The following CSK variants were observed in gnomAD, a reference collection of about 807,000 sequenced individuals.
CSK encodes the protein tyrosine-protein kinase CSK.
In CSK, 7 loss-of-function variants were observed where a neutral mutation model predicts 62.3. The ratio of observed to expected loss-of-function variants is 0.11; its 90% CI spans 0.06 to 0.21. The LOEUF is 0.21. CSK is among the 10% of genes least tolerant of loss of function. CSK has a pLI of 1.00. For synonymous variants in CSK, 237 were observed against 246.0 expected (o/e 0.96, Z 0.34); for missense variants, 294 against 613.5 (o/e 0.48, Z 5.50).
At chr15:74,788,962 G>C (rs1020894295) in intron 1 of CSK, among the ~76,000 whole-genome samples, 2 of 152,204 alleles carry the variant, frequency 1.3e-5, no homozygotes, top group Non-Finnish European at 2.9e-5. Flanking sequence ...AGGTAATTAG[G>C]CTCCTGAGCG....
At chr15:74,783,160 A>C (rs1264234360) in intron 1 of CSK, among the ~76,000 whole-genome samples, 1 of 145,660 alleles carries the variant, frequency 6.9e-6, no homozygotes, top group East Asian at 1.9e-4. Context: ...TGCGGGCTGC[A>C]AGCAAGCCCA....
At chr15:74,786,836 C>T (rs1489760971) in intron 1 of CSK, among the ~76,000 whole-genome samples, 1 of 152,200 alleles carries the variant, frequency 6.6e-6, no homozygotes, top group African/African-American at 2.4e-5. Flanking sequence ...GGTCCTCCCC[C>T]AGGTGGCCCA....
At position 74,802,716 on chromosome 15, in the gene CSK, G is replaced by A; in HGVS notation, c.*203G>A. ...CCTGGGGAGCCCACTGAGGGGCCAG[G>A]GAGGAAGGAGGCCACGGAGCGGGAG... is the stretch of plus-strand genomic sequence containing the variant. On this transcript the variant is annotated 3_prime_UTR_variant, in exon 13 of 13. Transcript: ENST00000220003. The A allele has an allele frequency of 3.4e-6, 2 of 587,324 alleles. No homozygotes were observed. Among genetic ancestry groups the A allele is most frequent in the South Asian group, 2.7e-5 (1 of 37,318 alleles). 36.4% of individuals were successfully genotyped at this position (587,324 alleles called of 1,614,324 possible).
At chr15:74,786,582 G>A (rs922920658) in intron 1 of CSK, among the ~76,000 whole-genome samples, 4 of 152,148 alleles carry the variant, frequency 2.6e-5, no homozygotes, top group African/African-American at 4.8e-5. Flanking sequence ...TGGACACATC[G>A]GGAAACTCAT....
intron 1 of CSK, among the ~76,000 whole-genome samples, chr15:74,797,044 C>T (rs912636526): frequency 3.3e-5 from 5 of 152,098 alleles, no homozygotes; most frequent in Non-Finnish European, 7.4e-5. Flanking sequence ...CAGGCTCAAG[C>T]GATCCTCCCA....
chr15:74,792,598 C>A (rs527569772), intron 1 of CSK, among the ~76,000 whole-genome samples: 1 of 152,360 alleles, frequency 6.6e-6, no homozygotes, highest in South Asian at 2.1e-4. Flanking sequence ...GCCTGACCCC[C>A]GCTGGGTTGT....
intron 1 of CSK, among the ~76,000 whole-genome samples, chr15:74,784,480 T>A (rs2063484945): frequency 6.6e-6 from 1 of 151,074 alleles, no homozygotes; most frequent in South Asian, 2.1e-4. Flanking sequence ...AAGAAAGGAG[T>A]CTGGCTTCTG....
chr15:74,783,432 C>T (rs2063468026), intron 1 of CSK, among the ~76,000 whole-genome samples: 1 of 152,194 alleles, frequency 6.6e-6, no homozygotes, highest in South Asian at 2.1e-4. Context: ...TTTTTTGGAG[C>T]TTAACTACCA....
Position 74,798,497 on chromosome 15 carries a change from C to A in CSK, c.16-118C>A. The A allele has an allele frequency of 1.6e-6, 2 of 1,216,382 alleles. No homozygotes were observed. The highest frequency in any genetic ancestry group is 2.4e-6 in the Non-Finnish European group (2 of 841,430). The allele number at this position is 1,216,382 out of a possible 1,614,324, so 75.3% of individuals were successfully genotyped here. A position where few individuals can be genotyped will look rare whatever the true frequency, so the allele number is the denominator to read the frequency against. ...AGGGACCCAGGGCTCGTTCTCCGGG[C>A]AGAGCACCTCACCCAGGCTCACAGA... On this transcript the variant is annotated intron_variant, in intron 2 of 12. Transcript: ENST00000220003. The surrounding 1 kb of genome is among the most constrained non-coding windows in gnomAD (Gnocchi z 6.6).
At position 74,782,492 on chromosome 15, in the gene CSK, T is replaced by G. The variant is rs1294199878; in HGVS notation, c.-294T>G. 7.3e-5 allele frequency: 4 copies of G among 54,706 alleles called. No individual in the cohort carries two copies. The highest frequency in any genetic ancestry group is 1.2e-4 in the Non-Finnish European group (3 of 24,008). 3.4% of individuals were successfully genotyped at this position (54,706 alleles called of 1,614,324 possible). A position where few individuals can be genotyped will look rare whatever the true frequency, so the allele number is the denominator to read the frequency against. The stretch of plus-strand genomic sequence containing the variant: ...ACATTGTTTCCTCCCCCCGACTCCC[T>G]CCCGCCCCCTTCCCCCGCCTTTCTT... On this transcript the variant is annotated 5_prime_UTR_variant, in exon 1 of 13. Coordinates refer to ENST00000220003, the MANE Select transcript of CSK (RefSeq NM_004383.3). The surrounding 1 kb of genome is among the most constrained non-coding windows in gnomAD (Gnocchi z 5.7).
intron 1 of CSK, among the ~76,000 whole-genome samples, chr15:74,784,227 T>A (rs2063482156): frequency 6.6e-6 from 1 of 152,072 alleles, no homozygotes; most frequent in South Asian, 2.1e-4. Context: ...TTTTCACTTT[T>A]TTTTCTGGCT....
chr15:74,789,260 C>A (rs116683470), intron 1 of CSK, among the ~76,000 whole-genome samples: 2,814 of 152,356 alleles, frequency 0.018, 98 homozygotes, highest in African/African-American at 0.064. Context: ...AGGCATTCTT[C>A]TGTTCCTTCG....
intron 1 of CSK, among the ~76,000 whole-genome samples, chr15:74,784,159 G>A (rs1383802425): frequency 1.3e-5 from 2 of 152,222 alleles, no homozygotes; most frequent in Non-Finnish European, 2.9e-5. Flanking sequence ...GGCTCCCTTG[G>A]AGCTGCTGGC....
intron 1 of CSK, among the ~76,000 whole-genome samples, chr15:74,792,590 C>T (rs1416479606): frequency 6.6e-6 from 1 of 152,254 alleles, no homozygotes; most frequent in Non-Finnish European, 1.5e-5. Flanking sequence ...CTCTCTGTGC[C>T]TGACCCCCGC....
In CSK at chr15:74,802,412, G is replaced by A; in HGVS notation, c.1252G>A (p.Val418Ile). ...PDGCPPAVYEVMKNCWHLDAA... is the reference protein window; with the variant it reads ...PDGCPPAVYEIMKNCWHLDAA... ...CGGCTGCCCGCCCGCAGTCTATGAA[G>A]TCATGAAGAACTGCTGGCACCTGGA... Residue 418 changes from valine to isoleucine, a missense_variant, in exon 13 of 13, where the codon GTC becomes ATC. This residue lies in a region of CSK where 66 missense variants were observed against 99.3 expected (regional missense o/e 0.66). Transcript: ENST00000220003. 2.5e-6 allele frequency: 4 copies of A among 1,613,048 alleles called. No homozygotes were observed. Among genetic ancestry groups the A allele is most frequent in the African/African-American group, 1.3e-5 (1 of 75,038 alleles).
Position 74,798,111 on chromosome 15 carries a change from A to G in CSK, c.-65-122A>G, listed in dbSNP as rs1596371756. ...CTGCCAGGACTGGAGAGAATGGCCC[A>G]TGTGTCAAATCCCAGCGCAGGACAC... On this transcript the variant is annotated intron_variant, in intron 1 of 12. Coordinates refer to ENST00000220003, the MANE Select transcript of CSK (RefSeq NM_004383.3). The surrounding 1 kb of genome is among the most constrained non-coding windows in gnomAD (Gnocchi z 6.6). 1 of 605,956 alleles carries G rather than the reference A, an allele frequency of 1.7e-6. No homozygotes were observed. Among genetic ancestry groups the G allele is most frequent in the Non-Finnish European group, 2.9e-6 (1 of 347,744 alleles). 37.5% of individuals were successfully genotyped at this position (605,956 alleles called of 1,614,324 possible). A position where few individuals can be genotyped will look rare whatever the true frequency, so the allele number is the denominator to read the frequency against.
At chr15:74,801,454 C>G in intron 9 of CSK, 68 bp from the exon 10 acceptor site, 1 of 1,503,474 alleles carries the variant, frequency 6.7e-7, no homozygotes, top group Non-Finnish European at 9.1e-7. Flanking sequence ...CACCCGGCCC[C>G]AGCGTGCTGT....
intron 1 of CSK, chr15:74,788,900 GCCTGGGTTAGGGC>G (rs1168639194): frequency 6.5e-6 from 1 of 152,674 alleles, no homozygotes; most frequent in Non-Finnish European, 1.5e-5. Flanking sequence ...GGGAGCAGAG[GCCTGGGTTAGGGC>G]CCTGGGGAGG....
At position 74,782,625 on chromosome 15, in the gene CSK, T is replaced by C; in HGVS notation, c.-161T>C. The C allele has an allele frequency of 6.6e-6, 1 of 150,506 alleles. No individual in the cohort carries two copies. 9.3% of individuals were successfully genotyped at this position (150,506 alleles called of 1,614,324 possible). A position where few individuals can be genotyped will look rare whatever the true frequency, so the allele number is the denominator to read the frequency against. ...TTGTACCGCACCCCCTGGGGACCCC[T>C]GCGCCCCTCCCCTCCCCCCTGACCG... On this transcript the variant is annotated 5_prime_UTR_variant, in exon 1 of 13. Coordinates refer to ENST00000220003, the MANE Select transcript of CSK (RefSeq NM_004383.3). This position sits in a 1 kb window ranked among gnomAD's most constrained non-coding sequence, Gnocchi z 5.7.
Sources: allele counts gnomAD v4.1 joint callset (sites outside exome capture counted in the v4.1 genomes callset), GRCh38; gene constraint gnomAD v4.1.1; regional missense constraint gnomAD v4.1.1; non-coding constraint Gnocchi (gnomAD v3.1); transcripts MANE v1.5; gene names NCBI Gene and HGNC (gene_info 2026-07-23, HGNC 2026-07-21).